Variants in GMDS observed in about 807,000 individuals in gnomAD.
GMDS encodes the protein GDP-mannose 4,6-dehydratase.
In GMDS, 20 loss-of-function variants were observed where a neutral mutation model predicts 49.9. That is an observed-to-expected ratio of 0.40 (90% CI 0.28 to 0.58). The LOEUF is 0.58. Ranked by LOEUF, GMDS falls within the 20% of genes least tolerant of loss-of-function variation. The pLI is 0.42. For synonymous variants in GMDS, 177 were observed against 178.6 expected (o/e 0.99, Z 0.07); for missense variants, 362 against 481.4 (o/e 0.75, Z 2.32).
chr6:2,039,904 A>G, intron 4 of GMDS, among the ~76,000 whole-genome samples: 1 of 152,234 alleles, frequency 6.6e-6, no homozygotes, highest in East Asian at 1.9e-4. Flanking sequence ...AGTATTATGT[A>G]CAGTACATAA....
At chr6:1,710,810 G>C (rs1368366595) in intron 9 of GMDS, among the ~76,000 whole-genome samples, 2 of 152,212 alleles carry the variant, frequency 1.3e-5, no homozygotes, top group African/African-American at 4.8e-5. Flanking sequence ...TGTTCCATTG[G>C]GGAGGGCGGA....
intron 4 of GMDS, among the ~76,000 whole-genome samples, chr6:2,007,059 T>C (rs552532233): frequency 1.2e-3 from 187 of 152,310 alleles, no homozygotes; most frequent in African/African-American, 4.1e-3. Context: ...ATAAACACAA[T>C]AGAAGATAAC....
At chr6:1,914,032 C>G (rs767749036) in intron 7 of GMDS, among the ~76,000 whole-genome samples, 3 of 151,750 alleles carry the variant, frequency 2.0e-5, no homozygotes, top group Non-Finnish European at 2.9e-5. Flanking sequence ...ACTAGCAATC[C>G]CATTTAGGCA....
intron 6 of GMDS, among the ~76,000 whole-genome samples, chr6:1,959,311 A>G (rs1407593288): frequency 6.6e-6 from 1 of 152,224 alleles, no homozygotes; most frequent in African/African-American, 2.4e-5. Flanking sequence ...ACATTGTTTC[A>G]AAACATTACT....
chr6:1,802,722 T>C (rs1162770091), intron 7 of GMDS, among the ~76,000 whole-genome samples: 1 of 152,230 alleles, frequency 6.6e-6, no homozygotes, highest in Non-Finnish European at 1.5e-5. Flanking sequence ...CTCCGCTGAA[T>C]GAACTTACTG....
Position 1,833,504 on chromosome 6 carries a change from A to AC in GMDS, c.772-90919dup. ...CCTGAATGCAGCACACATTTTTAAA[A>AC]CTTTTTTTTTTTGCCTTTTCTTCCT... is the stretch of plus-strand genomic sequence containing the variant. On this transcript the variant is annotated intron_variant, in intron 7 of 10. Transcript: ENST00000380815. This position sits in a 1 kb window ranked among gnomAD's most constrained non-coding sequence, Gnocchi z 4.4. 6.6e-6 allele frequency among the ~76,000 whole-genome samples: 1 copy of AC among 151,722 alleles called. No homozygotes were observed. The highest frequency in any genetic ancestry group is 2.0e-4 in the East Asian group (1 of 5,022).
In GMDS at chr6:1,931,099, T is replaced by A. The variant is rs575930535; in HGVS notation, c.644-869A>T. The A allele has an allele frequency of 2.0e-5, 3 of 152,358 alleles. No individual in the cohort carries two copies. The East Asian group carries it at 5.8e-4, about 29-fold the overall frequency. The allele number at this position is 152,358 out of a possible 1,614,324, so 9.4% of individuals were successfully genotyped here. The stretch of plus-strand genomic sequence containing the variant: ...TTACCTTGTTATCTAGGTAAGGTTA[T>A]GAGAAAACACCATTTAATACCAAAT... On this transcript the variant is annotated intron_variant, in intron 6 of 10. Transcript: ENST00000380815.
intron 1 of GMDS, among the ~76,000 whole-genome samples, chr6:2,156,528 T>C (rs976497769): frequency 2.6e-5 from 4 of 152,172 alleles, no homozygotes; most frequent in African/African-American, 9.7e-5. Flanking sequence ...TAAGTCACTG[T>C]TTTTTTACAA....
At chr6:2,017,363 CAGTGG>C (rs1767969810) in intron 4 of GMDS, among the ~76,000 whole-genome samples, 1 of 151,894 alleles carries the variant, frequency 6.6e-6, no homozygotes, top group African/African-American at 2.4e-5. Flanking sequence ...GGCAGGAGTG[CAGTGG>C]CGCTATCTCC....
At chr6:2,175,500 G>A (rs930798551) in intron 1 of GMDS, among the ~76,000 whole-genome samples, 1 of 152,220 alleles carries the variant, frequency 6.6e-6, no homozygotes, top group African/African-American at 2.4e-5. Context: ...TCCTGAGGGA[G>A]TTGTGTCGAC....
intron 7 of GMDS, among the ~76,000 whole-genome samples, chr6:1,805,749 T>G (rs562445415): frequency 8.5e-5 from 13 of 152,306 alleles, no homozygotes; most frequent in South Asian, 2.1e-4. Flanking sequence ...TGAATAAATA[T>G]CCTTTAAATG....
intron 9 of GMDS, among the ~76,000 whole-genome samples, chr6:1,674,560 C>CTCTTT (rs1250819215): frequency 4.4e-4 from 32 of 73,460 alleles, no homozygotes; most frequent in East Asian, 1.6e-3. Flanking sequence ...CTCTCTCTCT[C>CTCTTT]TTTTTTTTTT....
intron 4 of GMDS, among the ~76,000 whole-genome samples, chr6:1,989,590 C>G (rs1219917472): frequency 1.3e-5 from 2 of 152,184 alleles, no homozygotes; most frequent in Non-Finnish European, 1.5e-5. Context: ...ATCTTTGAAA[C>G]GCAAAAAAGC....
intron 7 of GMDS, among the ~76,000 whole-genome samples, chr6:1,800,743 C>T (rs1385230998): frequency 6.6e-6 from 1 of 151,742 alleles, no homozygotes; most frequent in Admixed American, 6.6e-5. Flanking sequence ...GATTAGACAT[C>T]TATTTCTTCA....
chr6:1,630,516 C>T (rs1012921507), intron 9 of GMDS, among the ~76,000 whole-genome samples: 14 of 152,208 alleles, frequency 9.2e-5, no homozygotes, highest in Non-Finnish European at 1.6e-4. Context: ...TTGAGGCCTT[C>T]CCCGTTCAAC....
intron 7 of GMDS, among the ~76,000 whole-genome samples, chr6:1,878,183 C>T (rs775444433): frequency 5.9e-5 from 9 of 151,884 alleles, no homozygotes; most frequent in Admixed American, 1.3e-4. Context: ...GGCGTGGTGG[C>T]GGGCACCTGT....
chr6:1,716,826 G>C (rs1766193934), intron 9 of GMDS, among the ~76,000 whole-genome samples: 1 of 152,142 alleles, frequency 6.6e-6, no homozygotes, highest in African/African-American at 2.4e-5. Context: ...TCTTTCCAAA[G>C]CCCTGCTCTA....
At chr6:1,624,257 G>A (rs779608561) in intron 10 of GMDS, 26 bp from the exon 11 acceptor site, 66 of 1,605,310 alleles carry the variant, frequency 4.1e-5, no homozygotes, top group Non-Finnish European at 5.2e-5. Context: ...GGGCGTGAGG[G>A]AGGAGCTTCT....
At chr6:1,632,539 C>T (rs1763029374) in intron 9 of GMDS, among the ~76,000 whole-genome samples, 1 of 152,170 alleles carries the variant, frequency 6.6e-6, no homozygotes, top group Non-Finnish European at 1.5e-5. Flanking sequence ...GATCAAACTG[C>T]AGTTCAACAT....
Sources: allele counts gnomAD v4.1 joint callset (sites outside exome capture counted in the v4.1 genomes callset), GRCh38; gene constraint gnomAD v4.1.1; non-coding constraint Gnocchi (gnomAD v3.1); transcripts MANE v1.5; gene names NCBI Gene and HGNC (gene_info 2026-07-23, HGNC 2026-07-21).